TENM3: variants seen among roughly 807,000 people sequenced by gnomAD.
TENM3 encodes teneurin transmembrane protein 3.
Under a neutral mutation model 255.1 loss-of-function variants are expected in TENM3, and 63 were observed. The observed-to-expected ratio is 0.25, with a 90% confidence interval of 0.20 to 0.30. The LOEUF (loss-of-function observed/expected upper bound fraction) is 0.30, where lower values mean the gene tolerates loss of function less well. TENM3 is among the 10% of genes least tolerant of loss of function. The pLI is 1.00. For synonymous variants in TENM3, 1,306 were observed against 1,322.3 expected (o/e 0.99, Z 0.27); for missense variants, 2,929 against 3,461.1 (o/e 0.85, Z 3.86).
At chr4:182,555,724 A>G (rs1230612011) in intron 3 of TENM3, among the ~76,000 whole-genome samples, 1 of 152,226 alleles carries the variant, frequency 6.6e-6, no homozygotes, top group Non-Finnish European at 1.5e-5. Flanking sequence ...GCCCTTCAAA[A>G]TGCAATAATG....
the TENM3 span, among the ~76,000 whole-genome samples, chr4:181,949,537 C>T: frequency 1.3e-5 from 2 of 152,296 alleles, no homozygotes; most frequent in Non-Finnish European, 1.5e-5. Context: ...TTCACCTGCA[C>T]CTCTACCACC....
intron 3 of TENM3, among the ~76,000 whole-genome samples, chr4:182,564,451 G>A (rs1443056286): frequency 6.6e-6 from 1 of 152,082 alleles, no homozygotes; most frequent in Non-Finnish European, 1.5e-5. Flanking sequence ...ACCATGCCTG[G>A]GCAGTGACAA....
the TENM3 span, among the ~76,000 whole-genome samples, chr4:181,667,245 G>T: frequency 1.3e-5 from 2 of 151,964 alleles, no homozygotes; most frequent in Admixed American, 6.6e-5. Flanking sequence ...CCTACTTTCA[G>T]CCTCTTAGGT....
chr4:181,690,022 A>G, the TENM3 span, among the ~76,000 whole-genome samples: 1 of 152,186 alleles, frequency 6.6e-6, no homozygotes, highest in Non-Finnish European at 1.5e-5. Flanking sequence ...GGAGATTGCC[A>G]TGTGCATATT....
At chr4:181,541,375 A>T in the TENM3 span, among the ~76,000 whole-genome samples, 1 of 152,220 alleles carries the variant, frequency 6.6e-6, no homozygotes, top group Admixed American at 6.5e-5. Flanking sequence ...ACAGAGCGAG[A>T]TCCTGTCTCT....
chr4:182,698,879 A>G (rs1435167238), intron 12 of TENM3, among the ~76,000 whole-genome samples: 5 of 152,164 alleles, frequency 3.3e-5, no homozygotes, highest in Non-Finnish European at 5.9e-5. Flanking sequence ...TGTTTTTTCC[A>G]TACTTTAGAA....
the TENM3 span, among the ~76,000 whole-genome samples, chr4:181,816,142 C>T: frequency 8.5e-5 from 13 of 152,164 alleles, no homozygotes; most frequent in African/African-American, 3.1e-4. Flanking sequence ...GACGTTTCCA[C>T]TCATAGTGGC....
intron 1 of TENM3, among the ~76,000 whole-genome samples, chr4:182,304,862 G>A (rs17073032): frequency 0.057 from 8,658 of 152,164 alleles, 832 homozygotes; most frequent in African/African-American, 0.2. Flanking sequence ...TGCAGCCACC[G>A]TACTTCGGCT....
At chr4:181,469,830 C>T in the TENM3 span, among the ~76,000 whole-genome samples, 2 of 152,014 alleles carry the variant, frequency 1.3e-5, no homozygotes, top group Non-Finnish European at 2.9e-5. Context: ...ACCTGAGACT[C>T]GTATCTTTAT....
the TENM3 span, among the ~76,000 whole-genome samples, chr4:182,008,778 G>C: frequency 6.6e-6 from 1 of 152,114 alleles, no homozygotes; most frequent in East Asian, 2.0e-4. Flanking sequence ...GAGATGTTGC[G>C]ATCATTTGGA....
the TENM3 span, among the ~76,000 whole-genome samples, chr4:181,921,450 G>A: frequency 6.4e-4 from 98 of 152,106 alleles, no homozygotes; most frequent in African/African-American, 1.8e-3. Flanking sequence ...GCTCCTTCAC[G>A]TCCCTTGTAA....
At chr4:182,476,120 A>T (rs1274096158) in intron 3 of TENM3, among the ~76,000 whole-genome samples, 2 of 152,198 alleles carry the variant, frequency 1.3e-5, no homozygotes, top group African/African-American at 4.8e-5. Flanking sequence ...GACTCATTCC[A>T]AAATGACCTA....
chr4:182,069,103 T>C, the TENM3 span, among the ~76,000 whole-genome samples: 5 of 152,102 alleles, frequency 3.3e-5, no homozygotes, highest in East Asian at 3.9e-4. Flanking sequence ...ATGAGTGAAA[T>C]TGAAAGTGAT....
At chr4:181,448,813 T>C in the TENM3 span, among the ~76,000 whole-genome samples, 2 of 152,238 alleles carry the variant, frequency 1.3e-5, no homozygotes, top group Admixed American at 1.3e-4. Context: ...CACGTTTTTT[T>C]ACTGTGGGCA....
chr4:182,439,868 C>T (rs1008470430), intron 3 of TENM3, among the ~76,000 whole-genome samples: 1 of 152,196 alleles, frequency 6.6e-6, no homozygotes, highest in Non-Finnish European at 1.5e-5. Flanking sequence ...CGTCGTTTTA[C>T]ACTGCAGATT....
intron 11 of TENM3, among the ~76,000 whole-genome samples, chr4:182,684,313 G>A (rs1343380789): frequency 6.6e-6 from 1 of 151,380 alleles, no homozygotes; most frequent in South Asian, 2.1e-4. Flanking sequence ...CTTCAGTGAA[G>A]GGGTCTATCT....
In TENM3 at chr4:182,185,664, A is replaced by G. The variant is rs571760269; in HGVS notation, c.-76+40910A>G. 3.3e-5 allele frequency among the ~76,000 whole-genome samples: 5 copies of G among 152,318 alleles called. No individual in the cohort carries two copies. In the East Asian group the frequency reaches 9.7e-4, roughly 29 times the overall value. On this transcript the variant is annotated intron_variant, in intron 1 of 2. Transcript: ENST00000512480. ...CCTGCTCTTCAAAGTAGCACAGAGCACTGTATGTACTTGGTCCCACCATTC... is the reference window on the plus strand; with the variant it reads ...CCTGCTCTTCAAAGTAGCACAGAGCGCTGTATGTACTTGGTCCCACCATTC...
chr4:182,726,904 G>T (rs1760241014), intron 13 of TENM3, among the ~76,000 whole-genome samples: 1 of 152,044 alleles, frequency 6.6e-6, no homozygotes. Context: ...CTATTAATAA[G>T]AATAGCCTAA....
chr4:182,062,674 T>C, the TENM3 span, among the ~76,000 whole-genome samples: 1 of 152,208 alleles, frequency 6.6e-6, no homozygotes, highest in African/African-American at 2.4e-5. Flanking sequence ...GCAGCCTGTC[T>C]CAAGGTTGGT....
Sources: gnomAD v4.1 joint callset for allele counts (sites outside exome capture counted in the v4.1 genomes callset) on GRCh38, gnomAD v4.1.1 for gene constraint, MANE v1.5 for transcripts, NCBI Gene and HGNC (gene_info 2026-07-23, HGNC 2026-07-21) for gene names.